CAMTA1: variants seen among roughly 807,000 people sequenced by gnomAD.
CAMTA1 encodes calmodulin-binding transcription activator 1.
In CAMTA1, 27 loss-of-function variants were observed where a neutral mutation model predicts 170.9. The ratio of observed to expected loss-of-function variants is 0.16; its 90% CI spans 0.12 to 0.22. The LOEUF is 0.22. Among genes scored for constraint, CAMTA1 ranks in the 10% least tolerant of loss-of-function variants. The probability of loss-of-function intolerance (pLI) is 1.00; values close to 1 mark genes in which losing one functional copy is unlikely to be tolerated. For synonymous variants in CAMTA1, 833 were observed against 891.5 expected (o/e 0.93, Z 1.17); for missense variants, 1,619 against 2,217.2 (o/e 0.73, Z 5.42).
intron 5 of CAMTA1, among the ~76,000 whole-genome samples, chr1:7,303,204 C>T (rs765685442): frequency 2.0e-5 from 3 of 152,180 alleles, no homozygotes; most frequent in South Asian, 2.1e-4. Flanking sequence ...TCTTCTGCCT[C>T]GTAGTTGAGA....
At chr1:6,901,427 T>G (rs1317424997) in intron 3 of CAMTA1, among the ~76,000 whole-genome samples, 1 of 152,184 alleles carries the variant, frequency 6.6e-6, no homozygotes. Context: ...AGGTACTGTT[T>G]AGATAATGAA....
chr1:7,422,565 T>C (rs2091635513), intron 5 of CAMTA1, among the ~76,000 whole-genome samples: 1 of 152,158 alleles, frequency 6.6e-6, no homozygotes, highest in Non-Finnish European at 1.5e-5. Context: ...ATGAGGATGA[T>C]ACATCTTTTA....
chr1:6,842,063 G>GC (rs1557676512), intron 3 of CAMTA1, among the ~76,000 whole-genome samples: 1 of 152,142 alleles, frequency 6.6e-6, no homozygotes, highest in Admixed American at 6.5e-5. Flanking sequence ...TTCCTCTCCT[G>GC]CCCCCCAACC....
chr1:7,130,892 G>A (rs987842690), intron 4 of CAMTA1, among the ~76,000 whole-genome samples: 1 of 151,686 alleles, frequency 6.6e-6, no homozygotes, highest in South Asian at 2.1e-4. Flanking sequence ...GCATATTTTA[G>A]ATATGAATTC....
intron 3 of CAMTA1, among the ~76,000 whole-genome samples, chr1:6,950,544 C>G (rs1179461795): frequency 6.6e-6 from 1 of 152,180 alleles, no homozygotes; most frequent in East Asian, 1.9e-4. Context: ...CTGCCACATG[C>G]TCACTGCAGG....
chr1:7,024,451 C>T (rs1206597509), intron 3 of CAMTA1, among the ~76,000 whole-genome samples: 1 of 152,122 alleles, frequency 6.6e-6, no homozygotes, highest in Non-Finnish European at 1.5e-5. Context: ...AGGGGCTGGC[C>T]TGCTGTCTGT....
chr1:7,582,914 T>C (rs1388345397), intron 6 of CAMTA1, among the ~76,000 whole-genome samples: 1 of 151,478 alleles, frequency 6.6e-6, no homozygotes, highest in Non-Finnish European at 1.5e-5. Context: ...ACCCAGACCT[T>C]ACCCTGGCCC....
intron 6 of CAMTA1, among the ~76,000 whole-genome samples, chr1:7,538,170 C>G (rs993957444): frequency 1.3e-5 from 2 of 152,210 alleles, no homozygotes; most frequent in African/African-American, 4.8e-5. Context: ...ATTTGCCAAT[C>G]TCCATAGTGC....
chr1:6,843,453 A>T (rs1418721393), intron 3 of CAMTA1, among the ~76,000 whole-genome samples: 1 of 152,242 alleles, frequency 6.6e-6, no homozygotes, highest in Non-Finnish European at 1.5e-5. Flanking sequence ...CAGAAAAGTG[A>T]TCAAGAGGTT....
intron 3 of CAMTA1, among the ~76,000 whole-genome samples, chr1:6,894,139 A>G (rs1271715027): frequency 6.6e-6 from 1 of 152,144 alleles, no homozygotes; most frequent in Non-Finnish European, 1.5e-5. Flanking sequence ...TTGGTGTGAC[A>G]TATGAATGAA....
intron 5 of CAMTA1, among the ~76,000 whole-genome samples, chr1:7,272,713 A>AAAAG (rs1179625637): frequency 2.1e-5 from 2 of 94,506 alleles, no homozygotes; most frequent in South Asian, 3.0e-4. Context: ...AAAAAAAAAA[A>AAAAG]AAAGAAAAGA....
At chr1:7,403,052 A>G (rs1234171248) in intron 5 of CAMTA1, among the ~76,000 whole-genome samples, 1 of 152,206 alleles carries the variant, frequency 6.6e-6, no homozygotes, top group Non-Finnish European at 1.5e-5. Context: ...ACTAAGATGA[A>G]TAGAAAATGA....
intron 4 of CAMTA1, among the ~76,000 whole-genome samples, chr1:7,197,677 C>CACAA (rs1655812874): frequency 7.0e-6 from 1 of 142,660 alleles, no homozygotes; most frequent in Non-Finnish European, 1.5e-5. Flanking sequence ...CACACACACA[C>CACAA]AATCTACTTG....
rs569824702 is a variant in CAMTA1 at position 7,239,995 on chromosome 1, C to T, written c.303-9496C>T. Among the ~76,000 whole-genome samples, 3 of 152,278 alleles carry T rather than the reference C, an allele frequency of 2.0e-5. No homozygotes were observed. In the East Asian group the frequency reaches 5.8e-4, roughly 29 times the overall value. On this transcript the variant is annotated intron_variant, in intron 4 of 22. Transcript: ENST00000303635. ...TAATCCATTCATGACCTAATCACCTCTTATTAGGCCTGACCTCCCAACAGT... is the reference window on the plus strand; with the variant it reads ...TAATCCATTCATGACCTAATCACCTTTTATTAGGCCTGACCTCCCAACAGT...
chr1:7,237,531 G>T (rs75104902), intron 4 of CAMTA1, among the ~76,000 whole-genome samples: 2 of 152,282 alleles, frequency 1.3e-5, no homozygotes, highest in East Asian at 1.9e-4. Context: ...AAAGCAAGAC[G>T]CTGGAAAGAG....
intron 1 of CAMTA1, among the ~76,000 whole-genome samples, chr1:6,785,860 C>T (rs1197693333): frequency 6.8e-6 from 1 of 146,062 alleles, no homozygotes; most frequent in African/African-American, 2.5e-5. Context: ...GGACCGGGCC[C>T]AGCGAGGAGG....
At chr1:7,275,830 A>T (rs1448894163) in intron 5 of CAMTA1, among the ~76,000 whole-genome samples, 1 of 152,194 alleles carries the variant, frequency 6.6e-6, no homozygotes. Context: ...TAAGGCAAGA[A>T]TAATGTTAGG....
intron 5 of CAMTA1, among the ~76,000 whole-genome samples, chr1:7,347,551 C>T (rs2084316317): frequency 6.6e-6 from 1 of 152,234 alleles, no homozygotes; most frequent in East Asian, 1.9e-4. Flanking sequence ...TATTGGTTTC[C>T]ATAGCAAATT....
chr1:7,020,376 G>A (rs1701168049), intron 3 of CAMTA1, among the ~76,000 whole-genome samples: 1 of 152,222 alleles, frequency 6.6e-6, no homozygotes, highest in South Asian at 2.1e-4. Context: ...ATGCTGCACA[G>A]GTTTGTAGCC....
Sources: gnomAD v4.1 joint callset for allele counts (sites outside exome capture counted in the v4.1 genomes callset) on GRCh38, gnomAD v4.1.1 for gene constraint, MANE v1.5 for transcripts, NCBI Gene and HGNC (gene_info 2026-07-23, HGNC 2026-07-21) for gene names.